The following PDE4D variants were observed in gnomAD, a reference collection of about 807,000 sequenced individuals.
PDE4D encodes phosphodiesterase 4D.
PDE4D carries 24 observed loss-of-function variants against 87.4 expected under a neutral mutation model. That is an observed-to-expected ratio of 0.27 (90% CI 0.20 to 0.39). The LOEUF (loss-of-function observed/expected upper bound fraction) is 0.39. Among genes scored for constraint, PDE4D ranks in the 10% least tolerant of loss-of-function variants. The pLI, the probability that PDE4D is intolerant of heterozygous loss-of-function variation, is 1.00. For missense variants in PDE4D, 714 were observed against 1,041.0 expected, an observed-to-expected ratio of 0.69 and a Z score of 4.32; for synonymous variants, 384 against 383.2, an observed-to-expected ratio of 1.00 and a Z score of -0.02.
rs545477728 is a variant in PDE4D at position 60,223,202 on chromosome 5, A to G, written c.-89-37515T>C. ...GTTAAATTAGGAAAATCAACATATAACAAATGAAATCTGATCTCTGAGGAG... is the reference window on the plus strand; with the variant it reads ...GTTAAATTAGGAAAATCAACATATAGCAAATGAAATCTGATCTCTGAGGAG... On this transcript the variant is annotated intron_variant, in intron 1 of 16. Transcript: ENST00000502484. Among the ~76,000 whole-genome samples the G allele has an allele frequency of 3.9e-5, 6 of 152,234 alleles. No homozygotes were observed. The South Asian group carries it at 8.3e-4, about 21-fold the overall frequency.
intron 1 of PDE4D, among the ~76,000 whole-genome samples, chr5:59,729,400 T>G (rs1163092452): frequency 6.6e-6 from 1 of 152,116 alleles, no homozygotes; most frequent in Admixed American, 6.6e-5. Context: ...CACGATTCAT[T>G]ATTCTGACAT....
At chr5:59,799,546 TG>T (rs1192617924) in intron 1 of PDE4D, among the ~76,000 whole-genome samples, 1 of 152,056 alleles carries the variant, frequency 6.6e-6, no homozygotes, top group African/African-American at 2.4e-5. Flanking sequence ...TCAGCAGTCA[TG>T]GGGGGGCAGG....
At chr5:60,164,242 A>C (rs1782704598) in intron 2 of PDE4D, among the ~76,000 whole-genome samples, 1 of 152,178 alleles carries the variant, frequency 6.6e-6, no homozygotes. Context: ...ATAATTCTAA[A>C]TATCAGGTAA....
intron 5 of PDE4D, among the ~76,000 whole-genome samples, chr5:59,155,206 A>G (rs1779987784): frequency 6.6e-6 from 1 of 152,186 alleles, no homozygotes; most frequent in African/African-American, 2.4e-5. Context: ...GAGAAAACCA[A>G]TTAATCAAAA....
rs962376248 is a variant in PDE4D at position 60,001,490 on chromosome 5, A to C, written c.43-12773T>G. On this transcript the variant is annotated intron_variant, in intron 2 of 16. Coordinates refer to the PDE4D transcript ENST00000502484. ...TACCACAAGACCTGCCTTATAAGAA[A>C]TACTAATGTGATTCTTCAAGTTGGA... is the stretch of plus-strand genomic sequence containing the variant. 8.5e-5 allele frequency among the ~76,000 whole-genome samples: 13 copies of C among 152,174 alleles called. No homozygotes were observed. In the East Asian group the frequency reaches 1.3e-3, roughly 16 times the overall value.
At chr5:59,749,254 C>CTGT (rs1046559215) in intron 1 of PDE4D, among the ~76,000 whole-genome samples, 1 of 151,978 alleles carries the variant, frequency 6.6e-6, no homozygotes, top group Non-Finnish European at 1.5e-5. Context: ...TATCACTTTT[C>CTGT]TGTTGTTGTT....
intron 1 of PDE4D, among the ~76,000 whole-genome samples, chr5:59,398,387 C>A (rs933056957): frequency 5.6e-5 from 8 of 142,618 alleles, no homozygotes; most frequent in Non-Finnish European, 1.2e-4. Context: ...CCACCATGAT[C>A]AAGTGGGCTT....
chr5:59,836,673 CT>C (rs1296440611), intron 1 of PDE4D, among the ~76,000 whole-genome samples: 107 of 135,864 alleles, frequency 7.9e-4, no homozygotes, highest in African/African-American at 3.5e-3. Flanking sequence ...ATCTACCTAT[CT>C]ATCTATCTAC....
intron 1 of PDE4D, among the ~76,000 whole-genome samples, chr5:59,418,613 G>T (rs1379507445): frequency 6.6e-6 from 1 of 152,068 alleles, no homozygotes; most frequent in East Asian, 1.9e-4. Flanking sequence ...ACAGATGACT[G>T]GTGCCTGGGT....
chr5:60,263,192 G>A (rs75445279), intron 1 of PDE4D, among the ~76,000 whole-genome samples: 1 of 152,174 alleles, frequency 6.6e-6, no homozygotes, highest in Admixed American at 6.5e-5. Context: ...ATCCCACAGA[G>A]AGAGTTCTGC....
chr5:60,386,826 A>G (rs1463865417), intron 1 of PDE4D, among the ~76,000 whole-genome samples: 4 of 152,234 alleles, frequency 2.6e-5, no homozygotes, highest in African/African-American at 9.6e-5. Flanking sequence ...TGTGAAAGCT[A>G]AACATATGGT....
In PDE4D at chr5:59,458,745, A is replaced by T. The variant is rs11950805; in HGVS notation, c.456-242777T>A. Among the ~76,000 whole-genome samples the T allele has an allele frequency of 2.5e-3, 375 of 152,352 alleles. 2 individuals carry two copies. In the Middle Eastern group the frequency reaches 0.031, roughly 12 times the overall value. On this transcript the variant is annotated intron_variant, in intron 1 of 14. Coordinates refer to ENST00000340635, the MANE Select transcript of PDE4D (RefSeq NM_001104631.2). The stretch of plus-strand genomic sequence containing the variant: ...TGCCAAAAGAAAATGACAACGCATA[A>T]AAATAATGCAGAAAGCTTAACTGAC...
chr5:59,973,044 T>C (rs1175823249), intron 3 of PDE4D, among the ~76,000 whole-genome samples: 11 of 152,082 alleles, frequency 7.2e-5, no homozygotes, highest in Non-Finnish European at 8.8e-5. Flanking sequence ...CCTCCCACCA[T>C]AGTTGCCAAA....
At chr5:59,839,389 T>G (rs1742634191) in intron 1 of PDE4D, among the ~76,000 whole-genome samples, 1 of 151,924 alleles carries the variant, frequency 6.6e-6, no homozygotes, top group Non-Finnish European at 1.5e-5. Context: ...TTGATATTAC[T>G]CAGTTTTTGG....
At chr5:59,330,504 G>A (rs2153576567) in intron 1 of PDE4D, among the ~76,000 whole-genome samples, 1 of 152,148 alleles carries the variant, frequency 6.6e-6, no homozygotes, top group East Asian at 1.9e-4. Context: ...ATGAAAATTT[G>A]TTCTCAGGTA....
At chr5:60,151,523 AT>A (rs1185802545) in intron 2 of PDE4D, among the ~76,000 whole-genome samples, 11 of 151,794 alleles carry the variant, frequency 7.2e-5, no homozygotes, top group Admixed American at 6.6e-5. Flanking sequence ...TTGTAGATAA[AT>A]TTTTTTCTTA....
chr5:60,392,557 C>G (rs1307267330), intron 1 of PDE4D, among the ~76,000 whole-genome samples: 1 of 152,168 alleles, frequency 6.6e-6, no homozygotes, highest in East Asian at 1.9e-4. Flanking sequence ...TGCCCAGATT[C>G]TTGCCTGGCA....
chr5:59,069,339 G>A (rs903210178), intron 5 of PDE4D, among the ~76,000 whole-genome samples: 2 of 152,100 alleles, frequency 1.3e-5, no homozygotes, highest in East Asian at 1.9e-4. Context: ...TAGCAAATAC[G>A]TTCCATGTGA....
At chr5:59,256,556 A>C (rs540101219) in intron 1 of PDE4D, among the ~76,000 whole-genome samples, 67 of 152,234 alleles carry the variant, frequency 4.4e-4, no homozygotes, top group African/African-American at 1.6e-3. Context: ...GTTGTCAAAA[A>C]AAATTGGAAA....
Sources: allele counts gnomAD v4.1 joint callset (sites outside exome capture counted in the v4.1 genomes callset), GRCh38; gene constraint gnomAD v4.1.1; transcripts MANE v1.5; gene names NCBI Gene and HGNC (gene_info 2026-07-23, HGNC 2026-07-21).